Variants in PCSK5 observed in about 807,000 individuals in gnomAD.
PCSK5 encodes the protein proprotein convertase subtilisin/kexin type 5.
In PCSK5, 129 loss-of-function variants were observed where a neutral mutation model predicts 233.2. The ratio of observed to expected loss-of-function variants is 0.55; its 90% CI spans 0.48 to 0.64. The LOEUF (loss-of-function observed/expected upper bound fraction) is 0.64. Among genes scored for constraint, PCSK5 ranks in the 30% least tolerant of loss-of-function variants. The pLI is 0.00. For synonymous variants in PCSK5, 825 were observed against 879.2 expected (o/e 0.94, Z 1.09); for missense variants, 2,076 against 2,430.1 (o/e 0.85, Z 3.06).
intron 26 of PCSK5, 22 bp from the exon 27 acceptor site, chr9:76,296,643 T>C: frequency 1.3e-6 from 2 of 1,560,408 alleles, no homozygotes; most frequent in East Asian, 2.2e-5. Context: ...CCTTCATGCT[T>C]TCTCTCTGTG....
rs78478374 is a variant in PCSK5 at position 76,116,475 on chromosome 9, A to T, written c.1208+9124A>T. Among the ~76,000 whole-genome samples the T allele has an allele frequency of 6.7e-3, 1,021 of 152,270 alleles. 6 individuals are homozygous for T. The highest frequency in any genetic ancestry group is 0.01 in the Non-Finnish European group (683 of 67,992). Reference sequence around the variant, plus strand: ...GACACCTGGTAGTATCATCCCTACCAGTAAAGACTGTAGTACATCAGACAG... The same window carrying T: ...GACACCTGGTAGTATCATCCCTACCTGTAAAGACTGTAGTACATCAGACAG... On this transcript the variant is annotated intron_variant, in intron 9 of 37. Coordinates refer to ENST00000674117, the MANE Select transcript of PCSK5 (RefSeq NM_001372043.1).
chr9:76,261,131 T>G (rs551368299), intron 24 of PCSK5, among the ~76,000 whole-genome samples: 2 of 152,260 alleles, frequency 1.3e-5, no homozygotes, highest in South Asian at 4.1e-4. Context: ...GTGTACAGAT[T>G]AACAACACTA....
chr9:76,295,420 G>C lies in PCSK5; in HGVS notation c.3322+9G>C, dbSNP rs1187605985. On this transcript the variant is annotated intron_variant, in intron 26 of 37. Coordinates refer to ENST00000674117, the MANE Select transcript of PCSK5 (RefSeq NM_001372043.1). ...GGGCTTCTTTCTCTTAGGTAAGTTA[G>C]AAAATGGCACCATCCAAGCTAAGAA... The C allele has an allele frequency of 6.2e-7, 1 of 1,611,508 alleles. No homozygotes were observed.
At chr9:76,243,231 A>C (rs1011352577) in intron 24 of PCSK5, among the ~76,000 whole-genome samples, 5 of 152,212 alleles carry the variant, frequency 3.3e-5, no homozygotes, top group African/African-American at 1.2e-4. Context: ...TCTTCAGTCC[A>C]TTCATTACTT....
intron 27 of PCSK5, among the ~76,000 whole-genome samples, chr9:76,297,744 G>A (rs758066930): frequency 1.8e-4 from 27 of 152,256 alleles, no homozygotes; most frequent in Non-Finnish European, 3.1e-4. Flanking sequence ...GGGTCACTTC[G>A]GTGCAAAGGC....
At chr9:76,325,242 C>A (rs764566298) in intron 32 of PCSK5, among the ~76,000 whole-genome samples, 1 of 152,070 alleles carries the variant, frequency 6.6e-6, no homozygotes, top group South Asian at 2.1e-4. Flanking sequence ...CTTGCCTCTG[C>A]GAGGGCAGGA....
chr9:76,214,054 G>C (rs1023098471), intron 20 of PCSK5, among the ~76,000 whole-genome samples: 9 of 152,134 alleles, frequency 5.9e-5, no homozygotes, highest in African/African-American at 1.9e-4. Context: ...CCCTGTCCTC[G>C]GGGAAGAGTA....
chr9:75,985,920 A>T (rs1341965841), intron 2 of PCSK5, among the ~76,000 whole-genome samples: 1 of 152,148 alleles, frequency 6.6e-6, no homozygotes, highest in Non-Finnish European at 1.5e-5. Context: ...TCTATATAAA[A>T]AACTAAAACA....
intron 7 of PCSK5, among the ~76,000 whole-genome samples, chr9:76,087,377 T>C (rs1297485888): frequency 6.6e-6 from 1 of 152,242 alleles, no homozygotes; most frequent in Non-Finnish European, 1.5e-5. Context: ...TGTAGGCAAG[T>C]TCTGTATTTG....
Position 76,190,348 on chromosome 9 carries a change from T to C in PCSK5, c.2626+602T>C, listed in dbSNP as rs919662288. 2.1e-5 allele frequency among the ~76,000 whole-genome samples: 3 copies of C among 141,672 alleles called. No homozygotes were observed. In the Admixed American group the frequency reaches 2.2e-4, roughly 10 times the overall value. 92.9% of individuals were successfully genotyped at this position (141,672 alleles called of 152,430 possible). On this transcript the variant is annotated intron_variant, in intron 20 of 37. Coordinates refer to ENST00000674117, the MANE Select transcript of PCSK5 (RefSeq NM_001372043.1). ...CCACTACTGATTTTTTTTTTTTTTT[T>C]ACAGTCTCCATAGATTTGCCTTTTC...
In PCSK5 at chr9:76,041,843, G is replaced by GA. The variant is rs66491707; in HGVS notation, c.632+14822dup. 2.3e-3 allele frequency among the ~76,000 whole-genome samples: 299 copies of GA among 130,958 alleles called. 3 individuals carry two copies. Among genetic ancestry groups the GA allele is most frequent in the Admixed American group, 6.8e-3 (87 of 12,746 alleles). The allele number at this position is 130,958 out of a possible 152,430, so 85.9% of individuals were successfully genotyped here. A position where few individuals can be genotyped will look rare whatever the true frequency, so the allele number is the denominator to read the frequency against. ...GACAGAGCAAGACTCTGTCTCAAGG[G>GA]AAAAAAAAAAAAAAAAGATTTTATA... On this transcript the variant is annotated intron_variant, in intron 5 of 37. Transcript: ENST00000674117.
intron 20 of PCSK5, chr9:76,195,812 G>C (rs1175132833): frequency 1.3e-5 from 2 of 152,122 alleles, no homozygotes; most frequent in Non-Finnish European, 2.9e-5. Context: ...TAGTAGAACG[G>C]TTGTAACTGA....
intron 1 of PCSK5, among the ~76,000 whole-genome samples, chr9:75,930,815 G>A (rs75722198): frequency 0.021 from 3,149 of 152,256 alleles, 112 homozygotes; most frequent in African/African-American, 0.071. Context: ...AGGTTTTCTT[G>A]TAAAGGATTA....
At chr9:76,013,912 G>GA (rs1036964773) in intron 3 of PCSK5, among the ~76,000 whole-genome samples, 6 of 148,612 alleles carry the variant, frequency 4.0e-5, no homozygotes, top group African/African-American at 1.5e-4. Context: ...TCCAACATTA[G>GA]AAAAAAAATT....
intron 10 of PCSK5, among the ~76,000 whole-genome samples, chr9:76,138,222 C>T (rs1161981524): frequency 3.3e-5 from 5 of 152,072 alleles, no homozygotes; most frequent in South Asian, 2.1e-4. Context: ...GAAATTTACA[C>T]TCCATCTCTT....
chr9:76,334,695 C>T (rs1829628243), intron 34 of PCSK5, among the ~76,000 whole-genome samples: 1 of 152,176 alleles, frequency 6.6e-6, no homozygotes, highest in Non-Finnish European at 1.5e-5. Flanking sequence ...CACACCACTG[C>T]ACTCCAACCT....
intron 3 of PCSK5, among the ~76,000 whole-genome samples, chr9:75,996,502 G>T (rs1297908094): frequency 6.6e-6 from 1 of 152,128 alleles, no homozygotes; most frequent in Non-Finnish European, 1.5e-5. Context: ...TGATAACTGC[G>T]ATTTCATTGT....
intron 5 of PCSK5, among the ~76,000 whole-genome samples, chr9:76,042,229 A>G (rs1047961031): frequency 3.1e-4 from 48 of 152,386 alleles, no homozygotes; most frequent in African/African-American, 9.4e-4. Context: ...TAAAAAACCT[A>G]AAACAAGTGG....
intron 3 of PCSK5, among the ~76,000 whole-genome samples, chr9:76,017,832 C>G (rs568307389): frequency 6.6e-6 from 1 of 152,220 alleles, no homozygotes; most frequent in South Asian, 2.1e-4. Flanking sequence ...TAGGACTTAA[C>G]TACCTTGATT....
Sources: gnomAD v4.1 joint callset for allele counts (sites outside exome capture counted in the v4.1 genomes callset) on GRCh38, gnomAD v4.1.1 for gene constraint, MANE v1.5 for transcripts, NCBI Gene and HGNC (gene_info 2026-07-23, HGNC 2026-07-21) for gene names.